CORIN: variants seen among roughly 807,000 people sequenced by gnomAD.
CORIN encodes the protein atrial natriuretic peptide-converting enzyme.
CORIN carries 117 observed loss-of-function variants against 125.3 expected under a neutral mutation model. That is an observed-to-expected ratio of 0.93 (90% CI 0.80 to 1.09). The LOEUF (loss-of-function observed/expected upper bound fraction) is 1.09, where lower values mean the gene tolerates loss of function less well. CORIN is among the 50% of genes least tolerant of loss of function. The pLI is 0.00. For synonymous variants in CORIN, 450 were observed against 466.4 expected, an observed-to-expected ratio of 0.96 and a Z score of 0.45; for missense variants, 1,253 against 1,306.7, an observed-to-expected ratio of 0.96 and a Z score of 0.63.
At chr4:47,596,886 T>C (rs545301170) in intron 21 of CORIN, among the ~76,000 whole-genome samples, 2 of 152,308 alleles carry the variant, frequency 1.3e-5, no homozygotes, top group South Asian at 2.1e-4. Flanking sequence ...CCTAAGAGTT[T>C]ATATTATTTA....
At chr4:47,836,731 A>G (rs1208802419) in intron 1 of CORIN, among the ~76,000 whole-genome samples, 1 of 152,224 alleles carries the variant, frequency 6.6e-6, no homozygotes, top group Admixed American at 6.5e-5. Context: ...GCTCGGTCCC[A>G]GGAACCGGGA....
rs1382851938 is a variant in CORIN at position 47,837,911 on chromosome 4, G to T, written c.39C>A (p.Cys13Ter). ...CCGGCTTTGGGGACCCGGCTCTGCGGCAGCGCTCTTCCGGAGCGAGGGCAG... is the reference window on the plus strand; with the variant it reads ...CCGGCTTTGGGGACCCGGCTCTGCGTCAGCGCTCTTCCGGAGCGAGGGCAG... ...QSPALAPEER[C>*]RRAGSPKPVL... is the part of the protein sequence containing the mutation. The change falls in exon 1 of 22, where the codon TGC becomes TGA. Residue 13 changes from cysteine (C) to a stop codon, truncating the protein, a stop_gained. Transcript: ENST00000273857. LOFTEE classifies it high-confidence loss of function. 2 of 1,613,834 alleles carry T rather than the reference G, an allele frequency of 1.2e-6. No homozygotes were observed. Among genetic ancestry groups the T allele is most frequent in the Admixed American group, 3.3e-5 (2 of 60,032 alleles).
chr4:47,689,010 TTC>T (rs1725649463), intron 6 of CORIN, among the ~76,000 whole-genome samples: 1 of 152,214 alleles, frequency 6.6e-6, no homozygotes, highest in Non-Finnish European at 1.5e-5. Flanking sequence ...GCTGCCTCCA[TTC>T]TAAAATAGCT....
intron 8 of CORIN, among the ~76,000 whole-genome samples, chr4:47,679,066 A>G (rs1446115999): frequency 1.3e-5 from 2 of 152,264 alleles, no homozygotes; most frequent in Non-Finnish European, 2.9e-5. Flanking sequence ...AATCTCATGT[A>G]TATAATCAAC....
At chr4:47,609,796 C>T (rs1472775273) in intron 19 of CORIN, among the ~76,000 whole-genome samples, 1 of 152,160 alleles carries the variant, frequency 6.6e-6, no homozygotes, top group Middle Eastern at 3.2e-3. Context: ...TGTTATCTCC[C>T]ACTATGTGTC....
At chr4:47,638,406 G>C (rs1723109966) in intron 16 of CORIN, among the ~76,000 whole-genome samples, 1 of 152,104 alleles carries the variant, frequency 6.6e-6, no homozygotes, top group African/African-American at 2.4e-5. Context: ...GATATGGTTT[G>C]GCTGTGTCTC....
chr4:47,602,403 G>C (rs1721482792), intron 20 of CORIN, among the ~76,000 whole-genome samples: 1 of 152,196 alleles, frequency 6.6e-6, no homozygotes, highest in Non-Finnish European at 1.5e-5. Flanking sequence ...TATATGTTAA[G>C]TCATCTACAG....
At chr4:47,601,021 T>A (rs771439704) in intron 20 of CORIN, among the ~76,000 whole-genome samples, 1 of 152,246 alleles carries the variant, frequency 6.6e-6, no homozygotes, top group Non-Finnish European at 1.5e-5. Flanking sequence ...TTAGCCATTC[T>A]GCAAAATTAT....
chr4:47,631,318 A>T (rs574239143), intron 16 of CORIN, among the ~76,000 whole-genome samples: 129 of 152,286 alleles, frequency 8.5e-4, no homozygotes, highest in African/African-American at 2.9e-3. Flanking sequence ...GCAAAGCTTC[A>T]TCTGTGTTTA....
intron 4 of CORIN, among the ~76,000 whole-genome samples, chr4:47,745,149 T>TAA (rs553842200): frequency 1.3e-5 from 2 of 151,142 alleles, no homozygotes; most frequent in South Asian, 2.1e-4. Flanking sequence ...ATCTGCAAAA[T>TAA]AAAAAAAAAT....
intron 2 of CORIN, among the ~76,000 whole-genome samples, chr4:47,802,816 G>A (rs1208633307): frequency 1.3e-5 from 2 of 152,150 alleles, no homozygotes; most frequent in Non-Finnish European, 2.9e-5. Flanking sequence ...AAGACTCAGT[G>A]TTGTGCTGGC....
intron 4 of CORIN, among the ~76,000 whole-genome samples, chr4:47,753,463 T>C (rs1056971710): frequency 6.6e-6 from 1 of 152,042 alleles, no homozygotes; most frequent in African/African-American, 2.4e-5. Flanking sequence ...AGCCTGAGGG[T>C]ACTGCAGGAG....
At chr4:47,757,056 G>A (rs940559081) in intron 4 of CORIN, among the ~76,000 whole-genome samples, 22 of 152,130 alleles carry the variant, frequency 1.4e-4, no homozygotes, top group African/African-American at 5.3e-4. Flanking sequence ...TGTAGGTATT[G>A]TCTCTAGGAT....
chr4:47,835,497 G>A (rs369327252), intron 1 of CORIN, among the ~76,000 whole-genome samples: 6 of 152,198 alleles, frequency 3.9e-5, no homozygotes, highest in African/African-American at 1.2e-4. Context: ...CTACAAGTGC[G>A]GAAAAGAGGA....
chr4:47,663,423 T>C (rs1577798363), intron 11 of CORIN, among the ~76,000 whole-genome samples: 1 of 152,054 alleles, frequency 6.6e-6, no homozygotes, highest in East Asian at 1.9e-4. Context: ...AAATTTCTTA[T>C]AAACAAATAT....
At chr4:47,786,418 G>A (rs1351464652) in intron 3 of CORIN, among the ~76,000 whole-genome samples, 1 of 152,120 alleles carries the variant, frequency 6.6e-6, no homozygotes, top group Non-Finnish European at 1.5e-5. Flanking sequence ...GCGGGCGCCT[G>A]TAATCCCAGC....
intron 3 of CORIN, among the ~76,000 whole-genome samples, chr4:47,780,287 C>T (rs145989143): frequency 2.7e-4 from 41 of 151,996 alleles, no homozygotes; most frequent in African/African-American, 9.4e-4. Flanking sequence ...ACTATAAAAT[C>T]ATACATATTT....
At chr4:47,614,419 G>A (rs1333362383) in intron 19 of CORIN, among the ~76,000 whole-genome samples, 3 of 152,082 alleles carry the variant, frequency 2.0e-5, no homozygotes, top group Admixed American at 6.6e-5. Context: ...GGCTGGTCTC[G>A]AACTCCTGAC....
intron 2 of CORIN, 122 bp from the exon 3 acceptor site, chr4:47,787,047 C>T: frequency 1.4e-6 from 1 of 717,542 alleles, no homozygotes; most frequent in Non-Finnish European, 2.3e-6. Flanking sequence ...ACCAGGTAAA[C>T]ACAAAGACGA....
Sources: gnomAD v4.1 joint callset for allele counts (sites outside exome capture counted in the v4.1 genomes callset) on GRCh38, gnomAD v4.1.1 for gene constraint, MANE v1.5 for transcripts, NCBI Gene and HGNC (gene_info 2026-07-23, HGNC 2026-07-21) for gene names.